TAF1L: variants seen among roughly 807,000 people sequenced by gnomAD.
The protein encoded by TAF1L is TATA-box binding protein associated factor 1 like.
Under a neutral mutation model 128.8 loss-of-function variants are expected in TAF1L, and 30 were observed. The ratio of observed to expected loss-of-function variants is 0.23; its 90% CI spans 0.17 to 0.32. The LOEUF (loss-of-function observed/expected upper bound fraction) is 0.32. Ranked by LOEUF, TAF1L falls within the 10% of genes least tolerant of loss-of-function variation. The pLI is 1.00. For synonymous variants in TAF1L, 764 were observed against 790.7 expected, an observed-to-expected ratio of 0.97 and a Z score of 0.57; for missense variants, 2,099 against 2,253.7, an observed-to-expected ratio of 0.93 and a Z score of 1.39.
chr9:32,634,260 G>A lies in TAF1L; in HGVS notation c.1320C>T (p.Ile440=). The A allele has an allele frequency of 6.2e-7, 1 of 1,614,150 alleles. No individual in the cohort carries two copies. Among genetic ancestry groups the A allele is most frequent in the Non-Finnish European group, 8.5e-7 (1 of 1,180,036 alleles). The change falls in exon 1 of 1, where the codon ATC becomes ATT. Residue 440 remains isoleucine, a synonymous_variant. Coordinates refer to ENST00000242310, the MANE Select transcript of TAF1L (RefSeq NM_153809.2). Reference sequence around the variant, plus strand: ...CCTGAGGTTTTGTCCCTTTGTGTTTGATATCCTCCCCATCCCAGATGATAG... The same window carrying A: ...CCTGAGGTTTTGTCCCTTTGTGTTTAATATCCTCCCCATCCCAGATGATAG... ...EDSIIWDGED[I]KHKGTKPQGA...
Position 32,635,666 on chromosome 9 carries a change from G to A in TAF1L, c.-87C>T, listed in dbSNP as rs1458807522. The A allele has an allele frequency of 3.4e-6, 5 of 1,450,860 alleles. No homozygotes were observed. Among genetic ancestry groups the A allele is most frequent in the African/African-American group, 2.9e-5 (2 of 70,032 alleles). 89.9% of individuals were successfully genotyped at this position (1,450,860 alleles called of 1,614,324 possible). ...CGTCTACCGGAAGCTGAATAAAGGCGGGGGGAGGGGGCAAAGGGGCGGGGG... is the reference window on the plus strand; with the variant it reads ...CGTCTACCGGAAGCTGAATAAAGGCAGGGGGAGGGGGCAAAGGGGCGGGGG... On this transcript the variant is annotated 5_prime_UTR_variant, in exon 1 of 1. Coordinates refer to ENST00000242310, the MANE Select transcript of TAF1L (RefSeq NM_153809.2).
In TAF1L at chr9:32,631,110, T is replaced by C. The variant is rs1822511895; in HGVS notation, c.4470A>G (p.Gln1490=). The change falls in exon 1 of 1, where the codon CAA becomes CAG. Residue 1490 remains glutamine, a synonymous_variant. Coordinates refer to ENST00000242310, the MANE Select transcript of TAF1L (RefSeq NM_153809.2). This position sits in a 1 kb window ranked among gnomAD's most constrained non-coding sequence, Gnocchi z 4.1. The stretch of plus-strand genomic sequence containing the variant: ...TTTCATCACAGAGATCCAGCATGGA[T>C]TGAGAGATCTGAGTCAATGAATGTT... ...GPKHSLTQIS[Q]SMLDLCDEKL... The C allele has an allele frequency of 6.2e-7, 1 of 1,614,152 alleles. No homozygotes were observed. The highest frequency in any genetic ancestry group is 1.1e-5 in the South Asian group (1 of 91,092).
chr9:32,635,026 A>G lies in TAF1L; in HGVS notation c.554T>C (p.Ile185Thr), dbSNP rs750667048. 7 of 1,614,142 alleles carry G rather than the reference A, an allele frequency of 4.3e-6. No individual in the cohort carries two copies. The Admixed American group carries it at 1.2e-4, about 27-fold the overall frequency. ...GGAAGGGGCAATGATGGAGGGCAAG[A>G]TGATGTCTTCTCCACTTTCAGACAC... ...TCVSESGEDI[I>T]LPSIIAPSFL... The change falls in exon 1 of 1, where the codon ATC becomes ACC. Residue 185 changes from isoleucine to threonine, a missense_variant. This residue lies in a region of TAF1L where 473 missense variants were observed against 429.6 expected (regional missense o/e 1.10). Transcript: ENST00000242310.
In TAF1L at chr9:32,632,076, GAC is replaced by G; in HGVS notation, c.3502_3503del (p.Val1168HisfsTer6). 6.2e-7 allele frequency: 1 copy of G among 1,614,152 alleles called. No individual in the cohort carries two copies. Among genetic ancestry groups the G allele is most frequent in the Non-Finnish European group, 8.5e-7 (1 of 1,180,034 alleles). Reference protein sequence around the residue: ...AASGNNHRDDVTASMTSLKSS... With the variant: ...AASGNNHRDDXTASMTSLKSS... Reference sequence around the variant, plus strand: ...ACTTAAGGCTAGTCATGGAAGCTGTGACATCATCTCTGTGATTGTTTCCTGAT... The same window carrying G: ...ACTTAAGGCTAGTCATGGAAGCTGTGATCATCTCTGTGATTGTTTCCTGAT... On this transcript the variant is annotated frameshift_variant, in exon 1 of 1. Coordinates refer to ENST00000242310, the MANE Select transcript of TAF1L (RefSeq NM_153809.2). LOFTEE classifies it high-confidence loss of function. This position sits in a 1 kb window ranked among gnomAD's most constrained non-coding sequence, Gnocchi z 4.4.
At position 32,630,227 on chromosome 9, in the gene TAF1L, G is replaced by A; in HGVS notation, c.5353C>T (p.Pro1785Ser). ...DAGSDEEGDN[P>S]FSAIQLSESG... ...TCACTCAGCTGGATAGCAGAGAAAGGATTGTCTCCTTCTTCGTCACTCCCA... is the reference window on the plus strand; with the variant it reads ...TCACTCAGCTGGATAGCAGAGAAAGAATTGTCTCCTTCTTCGTCACTCCCA... The change falls in exon 1 of 1, where the codon CCT becomes TCT. Residue 1785 changes from proline to serine, a missense_variant. Transcript: ENST00000242310. 1 of 1,614,152 alleles carries A rather than the reference G, an allele frequency of 6.2e-7. No homozygotes were observed. The highest frequency in any genetic ancestry group is 8.5e-7 in the Non-Finnish European group (1 of 1,180,032).
Position 32,631,162 on chromosome 9 carries a change from T to C in TAF1L, c.4418A>G (p.Lys1473Arg). 1 of 1,614,208 alleles carries C rather than the reference T, an allele frequency of 6.2e-7. No homozygotes were observed. Among genetic ancestry groups the C allele is most frequent in the Non-Finnish European group, 8.5e-7 (1 of 1,180,038 alleles). ...EFREHLELIVKNSATYNGPKH... is the reference protein window; with the variant it reads ...EFREHLELIVRNSATYNGPKH... ...TGGCCCATTGTAGGTCGCACTGTTT[T>C]TCACAATTAGCTCCAGATGCTCTCT... is the stretch of plus-strand genomic sequence containing the variant. Residue 1473 changes from lysine (K) to arginine (R), a missense_variant, in exon 1 of 1, where the codon AAA becomes AGA. Lys to Arg is a conservative substitution (Grantham distance 26). This residue lies in a region of TAF1L where 9 missense variants were observed against 26.3 expected (regional missense o/e 0.34). Transcript: ENST00000242310. This position sits in a 1 kb window ranked among gnomAD's most constrained non-coding sequence, Gnocchi z 4.1.
chr9:32,635,277 C>T lies in TAF1L; in HGVS notation c.303G>A (p.Arg101=), dbSNP rs755877126. The T allele has an allele frequency of 2.2e-5, 35 of 1,614,042 alleles. 1 individual carries two copies. In the South Asian group the frequency reaches 2.9e-4, roughly 13 times the overall value. The change falls in exon 1 of 1, where the codon AGG becomes AGA. Residue 101 remains arginine (R), a synonymous_variant. Coordinates refer to ENST00000242310, the MANE Select transcript of TAF1L (RefSeq NM_153809.2). ...GALVNDEGWI[R]STEDAVDYSD... ...AATAGTCTACAGCATCTTCTGTACTCCTAATCCACCCTTCATCATTTACCA... is the reference window on the plus strand; with the variant it reads ...AATAGTCTACAGCATCTTCTGTACTTCTAATCCACCCTTCATCATTTACCA...
In TAF1L at chr9:32,633,966, C is replaced by T. The variant is rs1474110176; in HGVS notation, c.1614G>A (p.Glu538=). The T allele has an allele frequency of 6.2e-7, 1 of 1,614,154 alleles. No homozygotes were observed. Among genetic ancestry groups the T allele is most frequent in the Non-Finnish European group, 8.5e-7 (1 of 1,180,034 alleles). ...CCTTGGAGGGGGAGTTAGAGGTGGCCTCTTCCTTCTCATCAGGAATTTCCA... is the reference window on the plus strand; with the variant it reads ...CCTTGGAGGGGGAGTTAGAGGTGGCTTCTTCCTTCTCATCAGGAATTTCCA... ...LILEIPDEKE[E]ATSNSPSKES... The change falls in exon 1 of 1, where the codon GAG becomes GAA. Residue 538 remains glutamate (E), a synonymous_variant. Transcript: ENST00000242310.
At position 32,633,475 on chromosome 9, in the gene TAF1L, T is replaced by C. The variant is rs559671134; in HGVS notation, c.2105A>G (p.Tyr702Cys). The C allele has an allele frequency of 1.2e-6, 2 of 1,614,236 alleles. No individual in the cohort carries two copies. The highest frequency in any genetic ancestry group is 4.5e-5 in the East Asian group (2 of 44,890). ...CATTAAGGGTCCATTTTCCTCACTA[T>C]ATTCTGCAAGAATAAGATCTCCATC... ...GKDGDLILAE[Y>C]SEENGPLMMQ... Residue 702 changes from tyrosine to cysteine, a missense_variant, in exon 1 of 1, where the codon TAT becomes TGT. By Grantham distance (194) the Tyr-to-Cys change is radical. Transcript: ENST00000242310.
In TAF1L at chr9:32,631,581, T is replaced by G; in HGVS notation, c.3999A>C (p.Glu1333Asp). 1 of 1,614,174 alleles carries G rather than the reference T, an allele frequency of 6.2e-7. No individual in the cohort carries two copies. The highest frequency in any genetic ancestry group is 1.1e-5 in the South Asian group (1 of 91,078). The part of the protein sequence containing the change: ...EKTVIHNDNE[E>D]LIKVEGTKIV... Reference sequence around the variant, plus strand: ...TTTTGGTCCCTTCAACCTTGATAAGTTCTTCATTATCATTATGAATGACTG... The same window carrying G: ...TTTTGGTCCCTTCAACCTTGATAAGGTCTTCATTATCATTATGAATGACTG... Residue 1333 changes from glutamate (E) to aspartate (D), a missense_variant, in exon 1 of 1, where the codon GAA becomes GAC. Physicochemically the swap from Glu to Asp is conservative, Grantham distance 45. Transcript: ENST00000242310. The surrounding 1 kb of genome is among the most constrained non-coding windows in gnomAD (Gnocchi z 4.1).
In TAF1L at chr9:32,630,939, A is replaced by G. The variant is rs764825731; in HGVS notation, c.4641T>C (p.Phe1547=). 8 of 1,614,100 alleles carry G rather than the reference A, an allele frequency of 5.0e-6. No homozygotes were observed. The highest frequency in any genetic ancestry group is 5.9e-6 in the Non-Finnish European group (7 of 1,180,052). ...KMMAVPDSWP[F]HHPVNKKFVP... ...CAAACTTCTTATTAACTGGGTGATG[A>G]AATGGCCAAGAATCTGGAACTGCCA... is the stretch of plus-strand genomic sequence containing the variant. Residue 1547 remains phenylalanine, a synonymous_variant, in exon 1 of 1, where the codon TTT becomes TTC. Coordinates refer to ENST00000242310, the MANE Select transcript of TAF1L (RefSeq NM_153809.2).
In TAF1L at chr9:32,633,399, A is replaced by G; in HGVS notation, c.2181T>C (p.Pro727=). 2 of 1,614,220 alleles carry G rather than the reference A, an allele frequency of 1.2e-6. No homozygotes were observed. The highest frequency in any genetic ancestry group is 8.5e-7 in the Non-Finnish European group (1 of 1,180,042). The change falls in exon 1 of 1, where the codon CCT becomes CCC. Residue 727 remains proline (P), a synonymous_variant. Coordinates refer to ENST00000242310, the MANE Select transcript of TAF1L (RefSeq NM_153809.2). The part of the protein sequence containing the change: ...TKIKNYYKRK[P]GKDPGAPDCK... ...AATCTGGTGCTCCAGGATCTTTGCC[A>G]GGTTTCCGTTTATAATAGTTCTTTA... is the stretch of plus-strand genomic sequence containing the variant.
At position 32,632,435 on chromosome 9, in the gene TAF1L, G is replaced by A. The variant is rs535964605; in HGVS notation, c.3145C>T (p.Arg1049Cys). The A allele has an allele frequency of 2.1e-5, 34 of 1,614,130 alleles. No homozygotes were observed. Among genetic ancestry groups the A allele is most frequent in the African/African-American group, 2.7e-5 (2 of 75,002 alleles). The change falls in exon 1 of 1, where the codon CGC (arginine) becomes TGC (cysteine). Residue 1049 changes from arginine to cysteine, a missense_variant. By Grantham distance (180) the Arg-to-Cys change is radical. This residue lies in a region of TAF1L where 1,213 missense variants were observed against 1,391.4 expected (regional missense o/e 0.87). Coordinates refer to ENST00000242310, the MANE Select transcript of TAF1L (RefSeq NM_153809.2). The surrounding 1 kb of genome is among the most constrained non-coding windows in gnomAD (Gnocchi z 4.4). ...LSRWEVIDVV[R>C]TMSTEQAHSG... Reference sequence around the variant, plus strand: ...TGAGCCTGTTCTGTTGACATTGTGCGCACCACATCAATCACTTCCCAGCGG... The same window carrying A: ...TGAGCCTGTTCTGTTGACATTGTGCACACCACATCAATCACTTCCCAGCGG...
chr9:32,634,773 C>G lies in TAF1L; in HGVS notation c.807G>C (p.Lys269Asn), dbSNP rs891091842. 6.8e-6 allele frequency: 11 copies of G among 1,614,098 alleles called. No homozygotes were observed. The African/African-American group carries it at 1.5e-4, about 22-fold the overall frequency. Residue 269 changes from lysine (K) to asparagine (N), a missense_variant, in exon 1 of 1, where the codon AAG becomes AAC. By Grantham distance (94) the Lys-to-Asn change is moderately conservative (BLOSUM62 0). This residue lies in a region of TAF1L where 473 missense variants were observed against 429.6 expected (regional missense o/e 1.10). Transcript: ENST00000242310. ...LRFLHLFGPG[K>N]NVPSVWRSAR... Reference sequence around the variant, plus strand: ...CACTCCGCCAAACAGATGGGACATTCTTCCCTGGTCCAAAAAGATGTAGGA... The same window carrying G: ...CACTCCGCCAAACAGATGGGACATTGTTCCCTGGTCCAAAAAGATGTAGGA...
At position 32,633,025 on chromosome 9, in the gene TAF1L, G is replaced by C. The variant is rs780352998; in HGVS notation, c.2555C>G (p.Ala852Gly). Reference sequence around the variant, plus strand: ...GCTGCTTTCTGAATGGGAAGGAAAGGCTTTTTTTATATCTTCCATTCGTAT... The same window carrying C: ...GCTGCTTTCTGAATGGGAAGGAAAGCCTTTTTTTATATCTTCCATTCGTAT... ...RRIRMEDIKK[A>G]FPSHSESSIR... Residue 852 changes from alanine to glycine, a missense_variant, in exon 1 of 1, where the codon GCC (alanine) becomes GGC (glycine). Physicochemically the swap from Ala to Gly is moderately conservative, Grantham distance 60. Transcript: ENST00000242310. The C allele has an allele frequency of 5.5e-5, 88 of 1,614,012 alleles. No individual in the cohort carries two copies. Among genetic ancestry groups the C allele is most frequent in the Non-Finnish European group, 7.1e-5 (84 of 1,180,024 alleles).
In TAF1L at chr9:32,630,471, C is replaced by A. The variant is rs772388404; in HGVS notation, c.5109G>T (p.Gln1703His). The A allele has an allele frequency of 1.2e-6, 2 of 1,614,140 alleles. No individual in the cohort carries two copies. The highest frequency in any genetic ancestry group is 1.1e-5 in the South Asian group (1 of 91,078). The change falls in exon 1 of 1, where the codon CAG becomes CAT. Residue 1703 changes from glutamine (Q) to histidine (H), a missense_variant. Physicochemically the swap from Gln to His is conservative, Grantham distance 24 (BLOSUM62 0). Transcript: ENST00000242310. ...CCAGCCTACCTTGGCCCTGGCACAT[C>A]TGTTTTTCTGGAGTGGCAGTGGAAA... is the stretch of plus-strand genomic sequence containing the variant. ...LDISTATPEK[Q>H]MCQGQGRLGE...
Position 32,632,917 on chromosome 9 carries a change from C to G in TAF1L, c.2663G>C (p.Arg888Pro). ...TCTGATCTCTTCTTCCGTTGGTAAA[C>G]GAAAATCAGACTTAAGCACCCACCA... ...SNWWVLKSDF[R>P]LPTEEEIRAK... The change falls in exon 1 of 1, where the codon CGT becomes CCT. Residue 888 changes from arginine (R) to proline (P), a missense_variant. Physicochemically the swap from Arg to Pro is moderately radical, Grantham distance 103 (BLOSUM62 -2). Around this residue, in one of 4 missense-constraint regions of TAF1L, gnomAD observed 1,213 missense variants for 1,391.4 expected, o/e 0.87. Transcript: ENST00000242310. This position sits in a 1 kb window ranked among gnomAD's most constrained non-coding sequence, Gnocchi z 4.4. 1 of 1,614,208 alleles carries G rather than the reference C, an allele frequency of 6.2e-7. No homozygotes were observed. The highest frequency in any genetic ancestry group is 8.5e-7 in the Non-Finnish European group (1 of 1,180,038).
chr9:32,635,065 T>C lies in TAF1L; in HGVS notation c.515A>G (p.Asp172Gly). 3 of 1,614,122 alleles carry C rather than the reference T, an allele frequency of 1.9e-6. No homozygotes were observed. Among genetic ancestry groups the C allele is most frequent in the African/African-American group, 1.3e-5 (1 of 75,008 alleles). ...PGPMKKDKDQ[D>G]AITCVSESGE... is the part of the protein sequence containing the mutation. ...ACTTTCAGACACACAGGTAATAGCA[T>C]CTTGGTCCTTATCCTTCTTCATTGG... is the stretch of plus-strand genomic sequence containing the variant. The change falls in exon 1 of 1, where the codon GAT becomes GGT. Residue 172 changes from aspartate to glycine, a missense_variant. By Grantham distance (94) the Asp-to-Gly change is moderately conservative (BLOSUM62 -1). Transcript: ENST00000242310.
Position 32,630,270 on chromosome 9 carries a change from T to C in TAF1L, c.5310A>G (p.Glu1770=), listed in dbSNP as rs771518750. 6.2e-7 allele frequency: 1 copy of C among 1,614,216 alleles called. No individual in the cohort carries two copies. The highest frequency in any genetic ancestry group is 8.5e-7 in the Non-Finnish European group (1 of 1,180,042). The change falls in exon 1 of 1, where the codon GAA becomes GAG. Residue 1770 remains glutamate (E), a synonymous_variant. Coordinates refer to ENST00000242310, the MANE Select transcript of TAF1L (RefSeq NM_153809.2). ...CACTCCCAGCATCTTCCTCATCATC[T>C]TCTCCTTCAGATATAAGCAAATCCT... The part of the protein sequence containing the change: ...LYEDLLISEG[E]DDEEDAGSDE...
Sources: allele counts gnomAD v4.1 joint callset, GRCh38; gene constraint gnomAD v4.1.1; regional missense constraint gnomAD v4.1.1; non-coding constraint Gnocchi (gnomAD v3.1); transcripts MANE v1.5; gene names NCBI Gene and HGNC (gene_info 2026-07-23, HGNC 2026-07-21).